Variants in CCL25 observed in about 807,000 individuals in gnomAD.
CCL25 encodes the protein C-C motif chemokine 25.
In CCL25, 14 loss-of-function variants were observed where a neutral mutation model predicts 19.9. The ratio of observed to expected loss-of-function variants is 0.70; its 90% CI spans 0.47 to 1.10. The LOEUF is 1.10. CCL25 is among the 50% of genes least tolerant of loss of function. CCL25 has a pLI of 0.00. For missense variants in CCL25, 151 were observed against 181.2 expected (o/e 0.83, Z 0.96); for synonymous variants, 68 against 73.2 (o/e 0.93, Z 0.36).
chr19:8,061,212 C>G (rs976505615), intron 5 of CCL25, among the ~76,000 whole-genome samples: 1 of 151,702 alleles, frequency 6.6e-6, no homozygotes, highest in Non-Finnish European at 1.5e-5. Flanking sequence ...TGGTCTTGAA[C>G]TCCTGACCTC....
intron 5 of CCL25, among the ~76,000 whole-genome samples, chr19:8,058,625 G>A (rs190773702): frequency 0.21 from 25,719 of 124,794 alleles, 2,918 homozygotes; most frequent in Admixed American, 0.25. Flanking sequence ...TATATATAAT[G>A]TATAAATAAT....
intron 1 of CCL25, 46 bp from the exon 2 acceptor site, chr19:8,052,954 T>G (rs1050231826): frequency 1.3e-6 from 1 of 749,440 alleles, no homozygotes; most frequent in Non-Finnish European, 2.2e-6. Context: ...CAGTACCCAC[T>G]CCCCTCCTCT....
At chr19:8,059,691 C>G (rs896271421) in intron 5 of CCL25, among the ~76,000 whole-genome samples, 1 of 152,148 alleles carries the variant, frequency 6.6e-6, no homozygotes, top group African/African-American at 2.4e-5. Flanking sequence ...TGGAAGCGCT[C>G]TACTTGTGTT....
chr19:8,058,113 C>G lies in CCL25; in HGVS notation c.445+193C>G, dbSNP rs369297106. ...ACTGCTGTGACTCAGCGCAAAGACA[C>G]CACAGCAAGTGAGAAAGTAAAGCCC... On this transcript the variant is annotated intron_variant, in intron 5 of 5. Coordinates refer to ENST00000315626, the MANE Select transcript of CCL25 (RefSeq NM_005624.4). Among the ~76,000 whole-genome samples the G allele has an allele frequency of 1.9e-4, 29 of 151,772 alleles. No homozygotes were observed. The East Asian group carries it at 4.1e-3, about 21-fold the overall frequency.
At chr19:8,052,872 CACA>C (rs1476810957) in intron 1 of CCL25, 50 bp downstream of exon 1, 2 of 538,656 alleles carry the variant, frequency 3.7e-6, no homozygotes, top group African/African-American at 3.8e-5. Flanking sequence ...TTCCCTCCAG[CACA>C]ACTTGTTCCT....
chr19:8,062,218 G>T lies in CCL25; in HGVS notation c.446G>T (p.Gly149Val), dbSNP rs1298529925. The T allele has an allele frequency of 3.1e-6, 5 of 1,612,930 alleles. No individual in the cohort carries two copies. Among genetic ancestry groups the T allele is most frequent in the Non-Finnish European group, 4.2e-6 (5 of 1,179,980 alleles). Residue 149 changes from glycine (G) to valine (V), a missense_variant and splice_region_variant, in exon 6 of 6, where the codon GGA (glycine) becomes GTA (valine). Coordinates refer to ENST00000315626, the MANE Select transcript of CCL25 (RefSeq NM_005624.4). ...TCGGCCTCTCTCATTGCTTCTGCAGGACTGTGAGCCGGCTCATTTCTGGGC... is the reference window on the plus strand; with the variant it reads ...TCGGCCTCTCTCATTGCTTCTGCAGTACTGTGAGCCGGCTCATTTCTGGGC... ...NVSLLISANS[G>V]L
In CCL25 at chr19:8,052,789, G is replaced by A. The variant is rs542333321; in HGVS notation, c.-84G>A. On this transcript the variant is annotated 5_prime_UTR_variant, in exon 1 of 6. Coordinates refer to ENST00000315626, the MANE Select transcript of CCL25 (RefSeq NM_005624.4). Reference sequence around the variant, plus strand: ...ATGGGACAGCTTGGCCTACAGCCCGGCGGGCATCAGCTCCCTTGACCCAGT... The same window carrying A: ...ATGGGACAGCTTGGCCTACAGCCCGACGGGCATCAGCTCCCTTGACCCAGT... 5 of 443,146 alleles carry A rather than the reference G, an allele frequency of 1.1e-5. No individual in the cohort carries two copies. The highest frequency in any genetic ancestry group is 7.9e-5 in the African/African-American group (4 of 50,318). 27.5% of individuals were successfully genotyped at this position (443,146 alleles called of 1,614,324 possible).
rs185722904 is a variant in CCL25, at chr19:8,055,569, C to T, written c.74-583C>T. ...CAGGATGGTCTCAATCTCCTGACCT[C>T]GTGATCCGCCCACCTTGGCCTCCCA... On this transcript the variant is annotated intron_variant, in intron 2 of 5. Transcript: ENST00000315626. 7.7e-3 allele frequency among the ~76,000 whole-genome samples: 1,170 copies of T among 151,870 alleles called. 61 individuals are homozygous for T. The South Asian group carries it at 0.11, about 14-fold the overall frequency.
intron 5 of CCL25, among the ~76,000 whole-genome samples, chr19:8,060,564 G>T (rs1202598303): frequency 6.6e-6 from 1 of 152,086 alleles, no homozygotes; most frequent in Admixed American, 6.6e-5. Context: ...TCTCCGCCAG[G>T]CTGGAGTGCA....
rs1287434551 is a variant in CCL25 at position 8,059,130 on chromosome 19, A to T, written c.445+1210A>T. Among the ~76,000 whole-genome samples, 5 of 91,816 alleles carry T rather than the reference A, an allele frequency of 5.4e-5. No individual in the cohort carries two copies. In the East Asian group the frequency reaches 1.0e-3, roughly 18 times the overall value. 60.2% of individuals were successfully genotyped at this position (91,816 alleles called of 152,430 possible). On this transcript the variant is annotated intron_variant, in intron 5 of 5. Transcript: ENST00000315626. Reference sequence around the variant, plus strand: ...TATATATAATATATAAATATATATAAATATATATTATATAATATATAATAT... The same window carrying T: ...TATATATAATATATAAATATATATATATATATATTATATAATATATAATAT...
At chr19:8,056,296 G>T (rs1377908408) in intron 3 of CCL25, 27 bp downstream of exon 3, 1 of 1,222,056 alleles carries the variant, frequency 8.2e-7, no homozygotes, top group Non-Finnish European at 1.2e-6. Context: ...GGGCTGGGGG[G>T]GTGGGGTGCA....
At chr19:8,055,618 G>T (rs1003673664) in intron 2 of CCL25, among the ~76,000 whole-genome samples, 1 of 151,870 alleles carries the variant, frequency 6.6e-6, no homozygotes, top group Non-Finnish European at 1.5e-5. Context: ...AAAGGCATGA[G>T]CCACCGCGCC....
intron 5 of CCL25, among the ~76,000 whole-genome samples, chr19:8,058,957 C>CTAAATATATAAATACATAATA (rs2081295304): frequency 7.9e-6 from 1 of 126,682 alleles, no homozygotes; most frequent in East Asian, 2.2e-4. Context: ...CGCGCCCAGC[C>CTAAATATATAAATACATAATA]TAAATATATA....
At chr19:8,062,021 G>A (rs2081321249) in intron 5 of CCL25, among the ~76,000 whole-genome samples, 197 bp from the exon 6 acceptor site, 1 of 140,118 alleles carries the variant, frequency 7.1e-6, no homozygotes, top group African/African-American at 2.7e-5. Flanking sequence ...CTGCACTCCA[G>A]TCTGGCGACA....
intron 4 of CCL25, 117 bp downstream of exon 4, chr19:8,056,616 C>G: frequency 8.5e-7 from 1 of 1,177,018 alleles, no homozygotes; most frequent in South Asian, 1.5e-5. Flanking sequence ...CCTGCCTGAA[C>G]CCCAAACAAA....
intron 5 of CCL25, among the ~76,000 whole-genome samples, chr19:8,058,367 T>C (rs2081288278): frequency 8.0e-6 from 1 of 125,720 alleles, no homozygotes; most frequent in South Asian, 2.2e-4. Context: ...AAATATATAA[T>C]ATATAAATAT....
intron 5 of CCL25, among the ~76,000 whole-genome samples, chr19:8,058,669 T>A (rs932717239): frequency 1.0e-5 from 1 of 97,200 alleles, no homozygotes. Flanking sequence ...TTATTATTAT[T>A]TTTTTTTGAG....
chr19:8,059,800 C>T (rs2081305421), intron 5 of CCL25, among the ~76,000 whole-genome samples: 1 of 151,918 alleles, frequency 6.6e-6, no homozygotes. Context: ...ATCAATTGAG[C>T]CCAGGATGGC....
intron 2 of CCL25, 40 bp downstream of exon 2, chr19:8,053,162 C>T (rs918696744): frequency 3.8e-6 from 5 of 1,304,150 alleles, no homozygotes; most frequent in Middle Eastern, 1.9e-4. Context: ...GTGCCCCTCT[C>T]CCCATGCCCC....
Sources: allele counts gnomAD v4.1 joint callset (sites outside exome capture counted in the v4.1 genomes callset), GRCh38; gene constraint gnomAD v4.1.1; transcripts MANE v1.5; gene names NCBI Gene and HGNC (gene_info 2026-07-23, HGNC 2026-07-21).